DNAJB6: variants seen among roughly 807,000 people sequenced by gnomAD.
DNAJB6 encodes the protein DnaJ heat shock protein family (Hsp40) member B6, also known as dnaJ homolog subfamily B member 6.
A neutral mutation model predicts 42.7 loss-of-function variants in DNAJB6; 16 were observed. That is an observed-to-expected ratio of 0.37 (90% CI 0.25 to 0.57). The LOEUF (loss-of-function observed/expected upper bound fraction) is 0.57. DNAJB6 is among the 20% of genes least tolerant of loss of function. The pLI, the probability that DNAJB6 is intolerant of heterozygous loss-of-function variation, is 0.74. For synonymous variants in DNAJB6, 170 were observed against 163.5 expected (o/e 1.04, Z -0.30); for missense variants, 347 against 416.8 (o/e 0.83, Z 1.46).
At chr7:157,385,749 A>G (rs945678730) in intron 8 of DNAJB6, 138 bp downstream of exon 8, 2 of 1,482,162 alleles carry the variant, frequency 1.3e-6, no homozygotes, top group Non-Finnish European at 1.8e-6. Flanking sequence ...GACTTTCAGT[A>G]TAATTGTACC....
rs375208186 is a variant in DNAJB6 at position 157,382,264 on chromosome 7, T to A, written c.365T>A (p.Phe122Tyr). 8.7e-6 allele frequency: 14 copies of A among 1,605,252 alleles called. No homozygotes were observed. The highest frequency in any genetic ancestry group is 3.5e-5 in the Admixed American group (2 of 57,280). Residue 122 changes from phenylalanine (F) to tyrosine (Y), a missense_variant, in exon 6 of 10, where the codon TTC (phenylalanine) becomes TAC (tyrosine). Phe to Tyr is a conservative substitution (Grantham distance 22). This residue lies in a region of DNAJB6 where 264 missense variants were observed against 288.0 expected (regional missense o/e 0.92). Coordinates refer to ENST00000262177, the MANE Select transcript of DNAJB6 (RefSeq NM_058246.4). ...FDFFEDPFED[F>Y]FGNRRGPRGS... ...ATTTTAGAAGACCCTTTTGAGGACT[T>A]CTTTGGGAATCGAAGGGGTCCCCGA...
intron 8 of DNAJB6, among the ~76,000 whole-genome samples, chr7:157,397,847 T>C (rs1023899814): frequency 3.3e-5 from 5 of 152,246 alleles, no homozygotes; most frequent in South Asian, 2.1e-4. Flanking sequence ...CAAGTCACTG[T>C]CCTGTTTAAA....
intron 9 of DNAJB6, chr7:157,410,671 A>C (rs900081201): frequency 2.0e-5 from 3 of 152,660 alleles, no homozygotes; most frequent in African/African-American, 7.2e-5. Flanking sequence ...ATCGTGCGTC[A>C]GTTGGAAGTA....
chr7:157,369,556 T>C (rs1800013839), intron 5 of DNAJB6: 1 of 349,878 alleles, frequency 2.9e-6, no homozygotes, highest in Admixed American at 4.1e-5. Flanking sequence ...AACAGGGCTT[T>C]CTTACCATTA....
chr7:157,404,454 G>C (rs1460563032), intron 8 of DNAJB6, among the ~76,000 whole-genome samples: 1 of 130,792 alleles, frequency 7.6e-6, no homozygotes, highest in Non-Finnish European at 1.6e-5. Context: ...AGCGCACTGG[G>C]CTAATTTTTG....
chr7:157,385,452 A>T (rs1391430130), intron 7 of DNAJB6, 89 bp from the exon 8 acceptor site: 30 of 1,365,548 alleles, frequency 2.2e-5, no homozygotes, highest in Non-Finnish European at 3.0e-5. Context: ...TTCATGGTGT[A>T]TTTCAGTAAT....
intron 9 of DNAJB6, chr7:157,415,331 G>C (rs963868682): frequency 2.0e-5 from 3 of 152,292 alleles, no homozygotes; most frequent in African/African-American, 4.8e-5. Context: ...ACTTCAGCTG[G>C]ATCAGTCAGT....
chr7:157,365,728 A>G (rs547575577), intron 3 of DNAJB6, among the ~76,000 whole-genome samples: 1 of 151,938 alleles, frequency 6.6e-6, no homozygotes, highest in African/African-American at 2.4e-5. Context: ...GCAATGGTGC[A>G]ATCTGGGCTC....
chr7:157,395,708 G>A (rs576977247), intron 8 of DNAJB6, among the ~76,000 whole-genome samples: 6 of 141,208 alleles, frequency 4.2e-5, no homozygotes, highest in East Asian at 4.1e-4. Context: ...TTTTTGAGAC[G>A]GAGTCATGCT....
At chr7:157,396,442 CAG>C (rs1563145536) in intron 8 of DNAJB6, among the ~76,000 whole-genome samples, 1 of 152,202 alleles carries the variant, frequency 6.6e-6, no homozygotes, top group African/African-American at 2.4e-5. Context: ...CAGTTAGAAA[CAG>C]GGAACTAAAG....
intron 7 of DNAJB6, 52 bp from the exon 8 acceptor site, chr7:157,385,489 C>T (rs2117092823): frequency 3.2e-6 from 5 of 1,579,382 alleles, no homozygotes; most frequent in Non-Finnish European, 4.3e-6. Flanking sequence ...GTTACCCTCA[C>T]ACATGCATTT....
intron 5 of DNAJB6, among the ~76,000 whole-genome samples, chr7:157,377,024 T>C (rs372930782): frequency 6.6e-6 from 1 of 152,136 alleles, no homozygotes; most frequent in Non-Finnish European, 1.5e-5. Flanking sequence ...CCTGGGATCA[T>C]AGAAAAAAAA....
intron 2 of DNAJB6, 46 bp downstream of exon 2, chr7:157,358,683 T>C (rs375813973): frequency 2.6e-5 from 38 of 1,455,642 alleles, no homozygotes; most frequent in Non-Finnish European, 3.6e-5. Flanking sequence ...CAGTGGTACA[T>C]TGGTAATTGA....
rs187919326 is a variant in DNAJB6, at chr7:157,375,929, T to C, written c.347-6317T>C. On this transcript the variant is annotated intron_variant, in intron 5 of 9. Transcript: ENST00000262177. ...TAGCCATGGTGCTTTTTCAGTTTTG[T>C]TTTGCTGTCATTTTTTTGTTCCAGC... Among the ~76,000 whole-genome samples the C allele has an allele frequency of 4.3e-3, 651 of 152,298 alleles. 9 individuals carry two copies. Among genetic ancestry groups the C allele is most frequent in the African/African-American group, 0.015 (605 of 41,554 alleles).
rs534931073 is a variant in DNAJB6, at chr7:157,410,169, C to T, written c.898+168C>T. 1.1e-4 allele frequency: 152 copies of T among 1,392,026 alleles called. 1 individual carries two copies. In the South Asian group the frequency reaches 1.4e-3, roughly 12 times the overall value. The allele number at this position is 1,392,026 out of a possible 1,614,324, so 86.2% of individuals were successfully genotyped here. On this transcript the variant is annotated intron_variant, in intron 9 of 9. Coordinates refer to ENST00000262177, the MANE Select transcript of DNAJB6 (RefSeq NM_058246.4). ...AGCCTCGCTCTGCTCCTCTCCCGCT[C>T]GCGGCGCCCCACGCCACGGTGGCTC...
chr7:157,348,479 TTGG>T lies in DNAJB6; in HGVS notation c.-26-10065_-26-10063del, dbSNP rs143873981. Among the ~76,000 whole-genome samples the T allele has an allele frequency of 5.9e-3, 902 of 152,314 alleles. 7 individuals carry two copies. The highest frequency in any genetic ancestry group is 0.021 in the African/African-American group (870 of 41,584). ...GTTTGTGGATGTGCATGGAACCCTG[TTGG>T]TGAAGTTTTCTTGCCTTGGAGAAGG... On this transcript the variant is annotated intron_variant, in intron 1 of 9. Transcript: ENST00000262177.
At position 157,409,986 on chromosome 7, in the gene DNAJB6, C is replaced by G. The variant is rs752873323; in HGVS notation, c.883C>G (p.Leu295Val). Residue 295 changes from leucine to valine, a missense_variant, in exon 9 of 10, where the codon CTC (leucine) becomes GTC (valine). Leu to Val is a conservative substitution (Grantham distance 32, BLOSUM62 1). Transcript: ENST00000262177. ...TCGGGCACCCGGGCCCTGGGACCCC[C>G]TCGCGTCCGCAGCAGGTGTGCAAAG... ...RPRAPGPWDP[L>V]ASAAGLKEGG... 3.3e-6 allele frequency: 5 copies of G among 1,531,984 alleles called. No homozygotes were observed. The South Asian group carries it at 6.0e-5, about 18-fold the overall frequency. The allele number at this position is 1,531,984 out of a possible 1,614,324, so 94.9% of individuals were successfully genotyped here. A position where few individuals can be genotyped will look rare whatever the true frequency, so the allele number is the denominator to read the frequency against.
chr7:157,351,411 C>CCT, intron 1 of DNAJB6, among the ~76,000 whole-genome samples: 1 of 152,008 alleles, frequency 6.6e-6, no homozygotes, highest in South Asian at 2.1e-4. Flanking sequence ...GGCGGATCTA[C>CCT]AAGGTCAGGA....
At chr7:157,352,202 A>G (rs1175387083) in intron 1 of DNAJB6, among the ~76,000 whole-genome samples, 2 of 151,666 alleles carry the variant, frequency 1.3e-5, no homozygotes, top group Non-Finnish European at 2.9e-5. Context: ...GGTGGTGGGC[A>G]CCTGTAATCC....
Sources: gnomAD v4.1 joint callset for allele counts (sites outside exome capture counted in the v4.1 genomes callset) on GRCh38, gnomAD v4.1.1 for gene constraint, gnomAD v4.1.1 regional missense constraint, MANE v1.5 for transcripts, NCBI Gene and HGNC (gene_info 2026-07-23, HGNC 2026-07-21) for gene names.